MYO16: variants seen among roughly 807,000 people sequenced by gnomAD.
MYO16 encodes the protein myosin XVI.
MYO16 carries 94 observed loss-of-function variants against 205.3 expected under a neutral mutation model. The observed-to-expected ratio is 0.46, with a 90% CI of 0.39 to 0.54. The LOEUF is 0.54. MYO16 is among the 20% of genes least tolerant of loss of function. MYO16 has a pLI of 0.00. For missense variants in MYO16, 2,315 were observed against 2,387.5 expected (o/e 0.97, Z 0.63); for synonymous variants, 988 against 954.0 (o/e 1.04, Z -0.66).
intron 10 of MYO16, among the ~76,000 whole-genome samples, chr13:108,852,302 A>G (rs1877919169): frequency 1.3e-5 from 2 of 152,144 alleles, no homozygotes; most frequent in Admixed American, 6.5e-5. Context: ...ACAATGGCCA[A>G]CAAAGAAGGT....
At chr13:108,525,483 G>A in the MYO16 span, among the ~76,000 whole-genome samples, 1 of 152,084 alleles carries the variant, frequency 6.6e-6, no homozygotes, top group African/African-American at 2.4e-5. Flanking sequence ...ATTTGCTGTG[G>A]GGATGACCCT....
chr13:109,104,997 G>T (rs547382295), intron 28 of MYO16, among the ~76,000 whole-genome samples: 1 of 152,112 alleles, frequency 6.6e-6, no homozygotes. Context: ...CCTCCATAGC[G>T]TGGGAACTCC....
intron 23 of MYO16, among the ~76,000 whole-genome samples, chr13:109,043,764 TG>T (rs553610031): frequency 1.2e-3 from 188 of 152,240 alleles, no homozygotes; most frequent in Middle Eastern, 3.4e-3. Flanking sequence ...GGATCCCAGA[TG>T]GCACCCTGGT....
rs111889024 is a variant in MYO16, at chr13:108,901,486, T to A, written c.1777+3353T>A. 8.3e-3 allele frequency among the ~76,000 whole-genome samples: 1,257 copies of A among 152,292 alleles called. 16 individuals are homozygous for A. Among genetic ancestry groups the A allele is most frequent in the African/African-American group, 0.029 (1,193 of 41,562 alleles). On this transcript the variant is annotated intron_variant, in intron 15 of 34. Coordinates refer to ENST00000457511, the MANE Select transcript of MYO16 (RefSeq NM_001198950.3). Reference sequence around the variant, plus strand: ...TGAAATATCGGGGGTGAATTTCACCTGATAGTTCAAGGCCCAGAAAAGTTC... The same window carrying A: ...TGAAATATCGGGGGTGAATTTCACCAGATAGTTCAAGGCCCAGAAAAGTTC...
chr13:109,171,768 A>G (rs1878931479), intron 33 of MYO16, among the ~76,000 whole-genome samples: 1 of 152,238 alleles, frequency 6.6e-6, no homozygotes. Context: ...TTTTATGTTC[A>G]GTATTATTTT....
chr13:108,882,686 A>T (rs1879675916), intron 12 of MYO16, among the ~76,000 whole-genome samples: 1 of 152,182 alleles, frequency 6.6e-6, no homozygotes, highest in Admixed American at 6.5e-5. Context: ...AACCTTGGCT[A>T]TCTTATGGTA....
chr13:108,859,616 C>G (rs1033995901), intron 11 of MYO16, among the ~76,000 whole-genome samples: 1 of 152,090 alleles, frequency 6.6e-6, no homozygotes, highest in Non-Finnish European at 1.5e-5. Context: ...AACCTTCAAA[C>G]AGAAAATGAA....
At chr13:108,677,099 TG>T (rs1322710373) in intron 2 of MYO16, among the ~76,000 whole-genome samples, 1 of 152,106 alleles carries the variant, frequency 6.6e-6, no homozygotes, top group East Asian at 1.9e-4. Flanking sequence ...ATTGAATCCT[TG>T]TCATCTTCCA....
chr13:108,719,930 C>A (rs1277191201), intron 3 of MYO16, among the ~76,000 whole-genome samples: 2 of 152,064 alleles, frequency 1.3e-5, no homozygotes, highest in Non-Finnish European at 2.9e-5. Context: ...TGCAGCAAAC[C>A]AGTGCTGCTG....
intron 11 of MYO16, among the ~76,000 whole-genome samples, chr13:108,859,838 A>C (rs1270628359): frequency 6.6e-6 from 1 of 152,022 alleles, no homozygotes; most frequent in Non-Finnish European, 1.5e-5. Flanking sequence ...TAAACACAAG[A>C]CCTCCTGTAA....
chr13:109,116,684 C>G (rs1039632209), intron 28 of MYO16, among the ~76,000 whole-genome samples: 1 of 152,206 alleles, frequency 6.6e-6, no homozygotes, highest in Non-Finnish European at 1.5e-5. Flanking sequence ...TGAATATACT[C>G]TATCCTGAGC....
rs372158026 is a variant in MYO16 at position 108,957,114 on chromosome 13, G to A, written c.1926-574G>A. ...AAATTCATGAGTCACGGCCAGGTGC[G>A]GTGGCTCACGCCTGTAATCCCAGCA... On this transcript the variant is annotated intron_variant, in intron 16 of 34. Transcript: ENST00000457511. Among the ~76,000 whole-genome samples the A allele has an allele frequency of 2.4e-4, 37 of 152,192 alleles. No homozygotes were observed. In the East Asian group the frequency reaches 3.3e-3, roughly 14 times the overall value.
the MYO16 span, among the ~76,000 whole-genome samples, chr13:108,564,201 C>T: frequency 6.3e-5 from 9 of 142,098 alleles, no homozygotes; most frequent in African/African-American, 1.1e-4. Context: ...GAGAGGGTCT[C>T]GCTCTCTTGC....
intron 33 of MYO16, among the ~76,000 whole-genome samples, chr13:109,176,589 A>AAAAAAAAAAAAAAAAAAAC (rs1879195738): frequency 6.8e-6 from 1 of 147,858 alleles, no homozygotes; most frequent in African/African-American, 2.5e-5. Flanking sequence ...AAAAAAAAAA[A>AAAAAAAAAAAAAAAAAAAC]AAAAAAAAAA....
chr13:108,793,557 C>T lies in MYO16; in HGVS notation c.658C>T (p.Pro220Ser), dbSNP rs1886688566. 3.7e-6 allele frequency: 6 copies of T among 1,613,714 alleles called. No individual in the cohort carries two copies. In the East Asian group the frequency reaches 1.3e-4, roughly 36 times the overall value. ...TSLRQMKLQR[P>S]MSMLTDVKHF... ...ACTGCGCCAGATGAAGCTTCAGAGA[C>T]CAATGAGTATGTTAACAGATGTCAA... Residue 220 changes from proline to serine, a missense_variant, in exon 6 of 35, where the codon CCA becomes TCA. Transcript: ENST00000457511.
At chr13:108,979,302 T>C (rs1212488218) in intron 20 of MYO16, among the ~76,000 whole-genome samples, 3 of 152,030 alleles carry the variant, frequency 2.0e-5, no homozygotes, top group African/African-American at 7.2e-5. Context: ...ATGATGTTTT[T>C]TCCTGAGTCT....
chr13:109,076,354 A>G (rs1888102016), intron 27 of MYO16, among the ~76,000 whole-genome samples: 1 of 152,078 alleles, frequency 6.6e-6, no homozygotes, highest in Non-Finnish European at 1.5e-5. Context: ...TAGTGATAGG[A>G]AATCTTTCTT....
At chr13:108,516,638 T>G in the MYO16 span, among the ~76,000 whole-genome samples, 2 of 152,232 alleles carry the variant, frequency 1.3e-5, no homozygotes, top group Non-Finnish European at 1.5e-5. Context: ...TAGACTATTA[T>G]AAACCATTCC....
At chr13:108,622,741 G>T (rs1167520420) in intron 1 of MYO16, among the ~76,000 whole-genome samples, 1 of 151,990 alleles carries the variant, frequency 6.6e-6, no homozygotes, top group Non-Finnish European at 1.5e-5. Context: ...GGCTAAGAGA[G>T]ATTCTGATGG....
Sources: allele counts gnomAD v4.1 joint callset (sites outside exome capture counted in the v4.1 genomes callset), GRCh38; gene constraint gnomAD v4.1.1; transcripts MANE v1.5; gene names NCBI Gene and HGNC (gene_info 2026-07-23, HGNC 2026-07-21).